Variants in GRM1 observed in about 807,000 individuals in gnomAD.
GRM1 encodes the protein metabotropic glutamate receptor 1.
GRM1 carries 33 observed loss-of-function variants against 90.9 expected under a neutral mutation model. The ratio of observed to expected loss-of-function variants is 0.36; its 90% CI spans 0.28 to 0.49. The LOEUF is 0.49. Ranked by LOEUF, GRM1 falls within the 20% of genes least tolerant of loss-of-function variation. The pLI is 0.99. For synonymous variants in GRM1, 700 were observed against 613.2 expected (o/e 1.14, Z -2.09); for missense variants, 1,190 against 1,534.3 (o/e 0.78, Z 3.75).
intron 7 of GRM1, among the ~76,000 whole-genome samples, chr6:146,430,373 C>A (rs1446519892): frequency 6.6e-6 from 1 of 152,166 alleles, no homozygotes; most frequent in African/African-American, 2.4e-5. Context: ...ATTGAGCCAC[C>A]TGAGATATTT....
At chr6:146,032,297 T>C (rs1790735387) in intron 1 of GRM1, among the ~76,000 whole-genome samples, 1 of 152,188 alleles carries the variant, frequency 6.6e-6, no homozygotes, top group African/African-American at 2.4e-5. Flanking sequence ...GGGTTTATTT[T>C]ATTACCAAGC....
At chr6:146,111,303 C>T (rs925694854) in intron 1 of GRM1, among the ~76,000 whole-genome samples, 26 of 152,294 alleles carry the variant, frequency 1.7e-4, no homozygotes, top group African/African-American at 4.6e-4. Flanking sequence ...CCAGCTTTCA[C>T]GACCATGGGT....
chr6:146,434,301 G>A lies in GRM1; in HGVS notation c.3090G>A (p.Leu1030=), dbSNP rs751649481. 8 of 1,604,886 alleles carry A rather than the reference G, an allele frequency of 5.0e-6. No individual in the cohort carries two copies. Among genetic ancestry groups the A allele is most frequent in the South Asian group, 4.4e-5 (4 of 90,548 alleles). Residue 1030 remains leucine (L), a synonymous_variant, in exon 8 of 8, where the codon CTG becomes CTA. Transcript: ENST00000282753. The part of the protein sequence containing the change: ...QQQPPPQQKS[L]MDQLQGVVSN... ...AACCCCCTCCACAGCAGAAATCGCT[G>A]ATGGACCAGCTCCAGGGAGTGGTCA...
Position 146,434,154 on chromosome 6 carries a change from C to T in GRM1, c.2943C>T (p.Arg981=). ...GCCCTTCCATGGTGGTGCACAGGCG[C>T]GTGCCAAGCGCGGCGACCACTCCGC... ...PGSPSMVVHR[R]VPSAATTPPL... is the part of the protein sequence containing the mutation. Residue 981 remains arginine (R), a synonymous_variant, in exon 8 of 8, where the codon CGC becomes CGT. Coordinates refer to ENST00000282753, the MANE Select transcript of GRM1 (RefSeq NM_001278064.2). 1 of 1,613,888 alleles carries T rather than the reference C, an allele frequency of 6.2e-7. No individual in the cohort carries two copies. Among genetic ancestry groups the T allele is most frequent in the Non-Finnish European group, 8.5e-7 (1 of 1,179,828 alleles).
chr6:146,284,049 G>A (rs1290745287), intron 2 of GRM1, among the ~76,000 whole-genome samples: 1 of 152,184 alleles, frequency 6.6e-6, no homozygotes, highest in Non-Finnish European at 1.5e-5. Flanking sequence ...TTATGGAAAT[G>A]GGCTTGGGCC....
At chr6:146,361,812 C>A (rs1290015612) in intron 5 of GRM1, among the ~76,000 whole-genome samples, 1 of 152,220 alleles carries the variant, frequency 6.6e-6, no homozygotes, top group African/African-American at 2.4e-5. Context: ...GTTCAACTAT[C>A]TTTCATTATA....
intron 1 of GRM1, among the ~76,000 whole-genome samples, chr6:146,080,454 T>A (rs1776326352): frequency 6.6e-6 from 1 of 152,106 alleles, no homozygotes; most frequent in South Asian, 2.1e-4. Flanking sequence ...AAAATACACG[T>A]GACACAGGGA....
At chr6:146,106,452 C>T (rs1005883999) in intron 1 of GRM1, among the ~76,000 whole-genome samples, 1 of 152,144 alleles carries the variant, frequency 6.6e-6, no homozygotes, top group Non-Finnish European at 1.5e-5. Context: ...AAACAAACTG[C>T]GGCCTTCAGA....
chr6:146,185,559 C>T (rs1264763808), intron 2 of GRM1, among the ~76,000 whole-genome samples: 1 of 152,164 alleles, frequency 6.6e-6, no homozygotes, highest in Admixed American at 6.6e-5. Flanking sequence ...GGCAGCTTTC[C>T]ACATCCACTT....
intron 2 of GRM1, among the ~76,000 whole-genome samples, chr6:146,303,264 T>C (rs577574550): frequency 6.6e-6 from 1 of 152,278 alleles, no homozygotes; most frequent in South Asian, 2.1e-4. Flanking sequence ...AATGCTTTCT[T>C]TGGCAGAGAC....
chr6:146,256,776 C>T (rs1335599220), intron 2 of GRM1, among the ~76,000 whole-genome samples: 2 of 152,086 alleles, frequency 1.3e-5, no homozygotes, highest in African/African-American at 2.4e-5. Context: ...TACTGTGGTC[C>T]GTCCTATACA....
intron 2 of GRM1, among the ~76,000 whole-genome samples, chr6:146,239,907 G>A (rs1780790595): frequency 6.6e-6 from 1 of 152,028 alleles, no homozygotes; most frequent in Non-Finnish European, 1.5e-5. Context: ...TGGAGAAAAT[G>A]GCCGCAGAGG....
chr6:146,187,743 A>ATG (rs1360532696), intron 2 of GRM1, among the ~76,000 whole-genome samples: 3 of 151,502 alleles, frequency 2.0e-5, no homozygotes, highest in African/African-American at 7.3e-5. Context: ...CAAAACATAT[A>ATG]TATATATATA....
intron 1 of GRM1, among the ~76,000 whole-genome samples, chr6:146,076,331 C>T (rs894501694): frequency 6.6e-6 from 1 of 152,154 alleles, no homozygotes; most frequent in East Asian, 1.9e-4. Flanking sequence ...AAATGCTTCA[C>T]TCTGTCAGCC....
rs35329703 is a variant in GRM1 at position 146,146,103 on chromosome 6, C to CTTTTTTTTTTTTTTTTTTTTTT, written c.701-13230_701-13209dup. Among the ~76,000 whole-genome samples the CTTTTTTTTTTTTTTTTTTTTTT allele has an allele frequency of 3.1e-3, 61 of 19,988 alleles. 28 individuals carry two copies. The highest frequency in any genetic ancestry group is 4.9e-3 in the Non-Finnish European group (46 of 9,440). The allele number at this position is 19,988 out of a possible 152,430, so 13.1% of individuals were successfully genotyped here. A position where few individuals can be genotyped will look rare whatever the true frequency, so the allele number is the denominator to read the frequency against. On this transcript the variant is annotated intron_variant, in intron 1 of 7. Coordinates refer to ENST00000282753, the MANE Select transcript of GRM1 (RefSeq NM_001278064.2). Reference sequence around the variant, plus strand: ...CTGTGCCTATGTACTACCATTGTATCTTTTTTTTTTTTTTTTTTTTTTTTT... The same window carrying CTTTTTTTTTTTTTTTTTTTTTT: ...CTGTGCCTATGTACTACCATTGTATCTTTTTTTTTTTTTTTTTTTTTTTTTTTTTTTTTTTTTTTTTTTTTTT...
intron 2 of GRM1, among the ~76,000 whole-genome samples, chr6:146,281,387 T>C (rs1398602055): frequency 6.6e-6 from 1 of 152,222 alleles, no homozygotes; most frequent in Non-Finnish European, 1.5e-5. Context: ...CTTTCTGATG[T>C]CCTTTCAACT....
chr6:146,179,736 C>T (rs1034700718), intron 2 of GRM1, among the ~76,000 whole-genome samples: 1 of 152,244 alleles, frequency 6.6e-6, no homozygotes, highest in African/African-American at 2.4e-5. Flanking sequence ...AGGATAGTCT[C>T]GATCTCCTGA....
intron 2 of GRM1, among the ~76,000 whole-genome samples, chr6:146,263,459 T>C (rs1781769066): frequency 6.6e-6 from 1 of 152,038 alleles, no homozygotes; most frequent in Non-Finnish European, 1.5e-5. Flanking sequence ...TTATATGTTA[T>C]TCTTTATGCC....
chr6:146,115,237 C>A (rs557943551), intron 1 of GRM1, among the ~76,000 whole-genome samples: 1 of 152,012 alleles, frequency 6.6e-6, no homozygotes, highest in South Asian at 2.1e-4. Context: ...CACACACACA[C>A]ACACACACAC....
Sources: allele counts gnomAD v4.1 joint callset (sites outside exome capture counted in the v4.1 genomes callset), GRCh38; gene constraint gnomAD v4.1.1; transcripts MANE v1.5; gene names NCBI Gene and HGNC (gene_info 2026-07-23, HGNC 2026-07-21).